Variants in DEFB119 observed in about 807,000 individuals in gnomAD.
DEFB119 encodes beta-defensin 119.
Under a neutral mutation model 2.5 loss-of-function variants are expected in DEFB119, and 3 were observed. That is an observed-to-expected ratio of 1.19 (90% CI 0.54 to 3.07). The LOEUF (loss-of-function observed/expected upper bound fraction) is 3.07. DEFB119 is among the 30% of genes most tolerant of loss of function. The pLI is 0.03. For synonymous variants in DEFB119, 29 were observed against 33.7 expected (o/e 0.86, Z 0.48); for missense variants, 113 against 101.1 (o/e 1.12, Z -0.50).
intron 1 of DEFB119, chr20:31,378,532 A>T: frequency 7.3e-7 from 1 of 1,366,620 alleles, no homozygotes; most frequent in Non-Finnish European, 9.9e-7. Context: ...TTTAATGAAA[A>T]AAAAGACAAT....
intron 1 of DEFB119, among the ~76,000 whole-genome samples, chr20:31,381,879 T>C: frequency 6.6e-6 from 1 of 152,136 alleles, no homozygotes; most frequent in East Asian, 1.9e-4. Context: ...CATATGATTC[T>C]ATTTACACAG....
At chr20:31,378,492 C>T in intron 1 of DEFB119, 1 of 1,547,028 alleles carries the variant, frequency 6.5e-7, no homozygotes, top group Non-Finnish European at 8.8e-7. Context: ...AAAAATTACT[C>T]ATCATACTGA....
At chr20:31,382,632 C>T (rs915966797) in intron 1 of DEFB119, among the ~76,000 whole-genome samples, 1 of 152,230 alleles carries the variant, frequency 6.6e-6, no homozygotes, top group Non-Finnish European at 1.5e-5. Context: ...TCTGCTCCCT[C>T]CAGCCCAGAA....
At position 31,390,418 on chromosome 20, in the gene DEFB119, G is replaced by A. The variant is rs574017073; in HGVS notation, c.61+5C>T. Reference sequence around the variant, plus strand: ...ACCCAGACCCCCGAGAGAGGTTCACGTTACCTGATATCACTGGTTCTTCTA... The same window carrying A: ...ACCCAGACCCCCGAGAGAGGTTCACATTACCTGATATCACTGGTTCTTCTA... On this transcript the variant is annotated splice_donor_5th_base_variant and intron_variant, in intron 1 of 1. Transcript: ENST00000376321. 3.9e-5 allele frequency: 63 copies of A among 1,612,450 alleles called. No homozygotes were observed. Among genetic ancestry groups the A allele is most frequent in the African/African-American group, 2.7e-4 (20 of 74,898 alleles).
At chr20:31,386,142 C>T (rs936503747) in intron 1 of DEFB119, among the ~76,000 whole-genome samples, 4 of 151,978 alleles carry the variant, frequency 2.6e-5, no homozygotes, top group Non-Finnish European at 4.4e-5. Flanking sequence ...GTCTGGACCC[C>T]GGGTGGTGAT....
intron 1 of DEFB119, among the ~76,000 whole-genome samples, chr20:31,387,228 G>T (rs982338677): frequency 6.6e-6 from 1 of 152,114 alleles, no homozygotes; most frequent in African/African-American, 2.4e-5. Context: ...CTTTCTATAC[G>T]TTTATTGAAC....
chr20:31,378,232 C>G, intron 1 of DEFB119: 1 of 1,475,786 alleles, frequency 6.8e-7, no homozygotes, highest in Non-Finnish European at 9.4e-7. Flanking sequence ...CACCACCACA[C>G]AGTAGTAACA....
chr20:31,378,315 G>A (rs1986376996), intron 1 of DEFB119: 8 of 1,614,020 alleles, frequency 5.0e-6, no homozygotes, highest in Middle Eastern at 3.3e-4. Context: ...CCCAACCAAG[G>A]CAGTACCAGA....
intron 1 of DEFB119, among the ~76,000 whole-genome samples, chr20:31,387,684 T>G (rs1568732056): frequency 1.3e-5 from 2 of 152,104 alleles, no homozygotes; most frequent in East Asian, 1.9e-4. Flanking sequence ...CGGCACCCAG[T>G]GGGCCCCACC....
intron 1 of DEFB119, chr20:31,389,172 G>C: frequency 6.2e-7 from 1 of 1,614,224 alleles, no homozygotes; most frequent in African/African-American, 1.3e-5. Flanking sequence ...GGCAGCGTAT[G>C]ATGCTGTCTT....
chr20:31,389,118 G>T lies in DEFB119; in HGVS notation c.61+1305C>A, dbSNP rs757381820. 1.6e-5 allele frequency: 26 copies of T among 1,614,046 alleles called. No homozygotes were observed. In the East Asian group the frequency reaches 4.5e-4, roughly 28 times the overall value. On this transcript the variant is annotated intron_variant, in intron 1 of 1. Coordinates refer to ENST00000376321, the MANE Select transcript of DEFB119 (RefSeq NM_153289.4). ...GGATTCCATGAATTGTTACTGGTTG[G>T]ATTGTTAAATAACGACTAGGAACAC... is the stretch of plus-strand genomic sequence containing the variant.
chr20:31,386,001 G>A (rs1008741626), intron 1 of DEFB119, among the ~76,000 whole-genome samples: 4 of 152,138 alleles, frequency 2.6e-5, no homozygotes, highest in Non-Finnish European at 5.9e-5. Flanking sequence ...GGGACCAGCT[G>A]GAGGGAGCCA....
chr20:31,380,390 C>T (rs531901536), intron 1 of DEFB119, among the ~76,000 whole-genome samples: 31 of 152,160 alleles, frequency 2.0e-4, no homozygotes, highest in African/African-American at 5.5e-4. Flanking sequence ...CTTAGCCTCT[C>T]GAATAGCTGG....
At chr20:31,379,609 TCA>T (rs1233431734) in intron 1 of DEFB119, among the ~76,000 whole-genome samples, 1 of 151,950 alleles carries the variant, frequency 6.6e-6, no homozygotes, top group Non-Finnish European at 1.5e-5. Context: ...TTCTCCTGTC[TCA>T]GTCTCCTGAG....
intron 1 of DEFB119, among the ~76,000 whole-genome samples, chr20:31,383,476 G>A (rs545048789): frequency 6.9e-6 from 1 of 145,574 alleles, no homozygotes; most frequent in South Asian, 2.2e-4. Context: ...CCTGGCTACA[G>A]TGAGCCAAGA....
At chr20:31,390,219 C>A (rs1986879628) in intron 1 of DEFB119, among the ~76,000 whole-genome samples, 1 of 151,950 alleles carries the variant, frequency 6.6e-6, no homozygotes, top group South Asian at 2.1e-4. Context: ...GGCCCTCAAG[C>A]ACCAGATGCT....
intron 1 of DEFB119, chr20:31,378,474 G>T (rs749505796): frequency 4.4e-6 from 7 of 1,577,934 alleles, no homozygotes; most frequent in Non-Finnish European, 6.0e-6. Flanking sequence ...AAACATCCGC[G>T]TTCCAGCAAA....
intron 1 of DEFB119, among the ~76,000 whole-genome samples, chr20:31,380,369 G>T (rs981002282): frequency 1.3e-5 from 2 of 152,086 alleles, no homozygotes; most frequent in South Asian, 4.1e-4. Context: ...GGACTCAAGC[G>T]ATCTTCCCAC....
chr20:31,390,038 C>CTCCA (rs1439078152), intron 1 of DEFB119, among the ~76,000 whole-genome samples: 1 of 151,976 alleles, frequency 6.6e-6, no homozygotes, highest in South Asian at 2.1e-4. Flanking sequence ...AGCTCCTCAC[C>CTCCA]TCCAGCTCAT....
Sources: gnomAD v4.1 joint callset for allele counts (sites outside exome capture counted in the v4.1 genomes callset) on GRCh38, gnomAD v4.1.1 for gene constraint, MANE v1.5 for transcripts, NCBI Gene and HGNC (gene_info 2026-07-23, HGNC 2026-07-21) for gene names.